The following TMTC1 variants were observed in gnomAD, a reference collection of about 807,000 sequenced individuals.
The protein encoded by TMTC1 is transmembrane O-mannosyltransferase targeting cadherins 1.
Under a neutral mutation model 104.8 loss-of-function variants are expected in TMTC1, and 73 were observed. That is an observed-to-expected ratio of 0.70 (90% CI 0.58 to 0.85). TMTC1 has a LOEUF of 0.85. Among genes scored for constraint, TMTC1 ranks in the 40% least tolerant of loss-of-function variants. The probability of loss-of-function intolerance (pLI) is 0.00; values close to 1 mark genes in which losing one functional copy is unlikely to be tolerated. For missense variants in TMTC1, 1,035 were observed against 1,096.1 expected, an observed-to-expected ratio of 0.94 and a Z score of 0.79; for synonymous variants, 434 against 428.7, an observed-to-expected ratio of 1.01 and a Z score of -0.15.
intron 5 of TMTC1, among the ~76,000 whole-genome samples, chr12:29,728,849 T>C (rs1311707764): frequency 4.1e-5 from 6 of 147,766 alleles, no homozygotes; most frequent in Non-Finnish European, 6.0e-5. Flanking sequence ...AAAAAAAAAA[T>C]TACCTGGGTG....
Position 29,572,225 on chromosome 12 carries a change from T to C in TMTC1, c.1419-7A>G, listed in dbSNP as rs1216610684. On this transcript the variant is annotated splice_region_variant and splice_polypyrimidine_tract_variant and intron_variant, in intron 8 of 17. Coordinates refer to ENST00000539277, the MANE Select transcript of TMTC1 (RefSeq NM_001193451.2). The stretch of plus-strand genomic sequence containing the variant: ...CAGAGTTTGAACTCCAGACCTAAAA[T>C]GAATAAATTTTTAAAAAGAATTATT... The C allele has an allele frequency of 1.3e-6, 2 of 1,595,658 alleles. No homozygotes were observed. Among genetic ancestry groups the C allele is most frequent in the East Asian group, 4.5e-5 (2 of 44,778 alleles).
At chr12:29,737,468 C>G (rs919704673) in intron 5 of TMTC1, among the ~76,000 whole-genome samples, 1 of 151,998 alleles carries the variant, frequency 6.6e-6, no homozygotes, top group Admixed American at 6.6e-5. Flanking sequence ...GAGCCCAGAT[C>G]GCGCCATTGC....
At chr12:29,699,089 C>G (rs1446101135) in intron 5 of TMTC1, among the ~76,000 whole-genome samples, 2 of 152,166 alleles carry the variant, frequency 1.3e-5, no homozygotes, top group Non-Finnish European at 2.9e-5. Flanking sequence ...AGATGTTCAA[C>G]TTAGTAATGC....
intron 5 of TMTC1, among the ~76,000 whole-genome samples, chr12:29,698,285 C>T (rs912094882): frequency 2.0e-5 from 3 of 152,186 alleles, no homozygotes; most frequent in Non-Finnish European, 4.4e-5. Flanking sequence ...GCCATGATCC[C>T]CCACTTCCCC....
At chr12:29,784,066 G>A (rs1258385753), upstream of TMTC1, among the ~76,000 whole-genome samples, 2 of 151,064 alleles carry the variant, frequency 1.3e-5, no homozygotes, top group Non-Finnish European at 1.5e-5. Context: ...ACAGCCCGGC[G>A]CCCTCTGCCC....
At chr12:29,675,439 T>A (rs1418479289) in intron 5 of TMTC1, among the ~76,000 whole-genome samples, 1 of 152,154 alleles carries the variant, frequency 6.6e-6, no homozygotes. Context: ...CCTTCAGTAC[T>A]AAAACTGGGA....
chr12:29,546,155 C>T (rs717197), intron 10 of TMTC1, among the ~76,000 whole-genome samples: 14,271 of 152,194 alleles, frequency 0.094, 2,229 homozygotes, highest in African/African-American at 0.32. Context: ...TCTCTCCTCA[C>T]GTGATTCTCA....
intron 5 of TMTC1, among the ~76,000 whole-genome samples, chr12:29,670,839 G>A (rs906956452): frequency 6.7e-6 from 1 of 149,972 alleles, no homozygotes; most frequent in Non-Finnish European, 1.5e-5. Flanking sequence ...ACTGAGGTGG[G>A]AGGATTGCTT....
At chr12:29,550,814 A>G (rs1202932735) in intron 10 of TMTC1, among the ~76,000 whole-genome samples, 1 of 151,934 alleles carries the variant, frequency 6.6e-6, no homozygotes, top group East Asian at 1.9e-4. Context: ...AAGAAGGTAC[A>G]AGAAGTTGTG....
intron 5 of TMTC1, among the ~76,000 whole-genome samples, chr12:29,656,362 T>A (rs868158680): frequency 0.018 from 2,708 of 149,790 alleles, 91 homozygotes; most frequent in African/African-American, 0.062. Context: ...ATATACTTTT[T>A]TTTTTTTTTT....
chr12:29,782,034 T>C (rs1032506568), intron 1 of TMTC1, among the ~76,000 whole-genome samples: 2 of 152,190 alleles, frequency 1.3e-5, no homozygotes, highest in Non-Finnish European at 2.9e-5. Context: ...TGCTGTGAAC[T>C]TGCACATCCT....
chr12:29,648,070 T>A (rs1939349886), intron 5 of TMTC1, among the ~76,000 whole-genome samples: 2 of 152,166 alleles, frequency 1.3e-5, no homozygotes, highest in Admixed American at 6.5e-5. Flanking sequence ...GGTCAAAGGA[T>A]CACATTTCTG....
At chr12:29,515,464 A>G (rs1224390019) in intron 15 of TMTC1, among the ~76,000 whole-genome samples, 1 of 152,126 alleles carries the variant, frequency 6.6e-6, no homozygotes, top group African/African-American at 2.4e-5. Flanking sequence ...TTCCTCAGAG[A>G]GGCCCCTCAC....
At chr12:29,643,436 TATATATATATCAC>T (rs1938966724) in intron 5 of TMTC1, among the ~76,000 whole-genome samples, 1 of 125,412 alleles carries the variant, frequency 8.0e-6, no homozygotes, top group Non-Finnish European at 1.7e-5. Context: ...CTGTGATATA[TATATATATATCAC>T]ATATATATGA....
At chr12:29,595,930 T>C (rs1946393531) in intron 7 of TMTC1, among the ~76,000 whole-genome samples, 1 of 152,182 alleles carries the variant, frequency 6.6e-6, no homozygotes, top group African/African-American at 2.4e-5. Context: ...GAAGATACCA[T>C]ATTTAAGAAC....
chr12:29,747,117 A>G lies in TMTC1; in HGVS notation c.938+4549T>C, dbSNP rs183973793. ...TTTAAATATGAAACCAATCAAGTAT[A>G]TATGAAGAATGAGTATACATATATA... is the stretch of plus-strand genomic sequence containing the variant. On this transcript the variant is annotated intron_variant, in intron 5 of 17. Coordinates refer to ENST00000539277, the MANE Select transcript of TMTC1 (RefSeq NM_001193451.2). Among the ~76,000 whole-genome samples, 137 of 152,330 alleles carry G rather than the reference A, an allele frequency of 9.0e-4. 1 individual carries two copies. The highest frequency in any genetic ancestry group is 5.7e-3 in the Admixed American group (88 of 15,306).
At chr12:29,729,982 T>A (rs1443032793) in intron 5 of TMTC1, among the ~76,000 whole-genome samples, 1 of 152,112 alleles carries the variant, frequency 6.6e-6, no homozygotes, top group Non-Finnish European at 1.5e-5. Context: ...CAGAAGTGCT[T>A]ACTATGGGGT....
At chr12:29,680,766 A>G (rs953382307) in intron 5 of TMTC1, among the ~76,000 whole-genome samples, 1 of 152,194 alleles carries the variant, frequency 6.6e-6, no homozygotes, top group South Asian at 2.1e-4. Flanking sequence ...CTTGTGGGAC[A>G]TGAGACTCTT....
intron 11 of TMTC1, among the ~76,000 whole-genome samples, chr12:29,527,351 T>C (rs187745936): frequency 6.6e-6 from 1 of 152,114 alleles, no homozygotes; most frequent in East Asian, 1.9e-4. Flanking sequence ...GAACAGTGAG[T>C]GAGAGACACA....
Sources: gnomAD v4.1 joint callset for allele counts (sites outside exome capture counted in the v4.1 genomes callset) on GRCh38, gnomAD v4.1.1 for gene constraint, MANE v1.5 for transcripts, NCBI Gene and HGNC (gene_info 2026-07-23, HGNC 2026-07-21) for gene names.